FAM47E: variants seen among roughly 807,000 people sequenced by gnomAD.
The protein encoded by FAM47E is family with sequence similarity 47 member E, also known as protein FAM47E.
FAM47E carries 32 observed loss-of-function variants against 41.6 expected under a neutral mutation model. The observed-to-expected ratio is 0.77, with a 90% CI of 0.58 to 1.03. The LOEUF (loss-of-function observed/expected upper bound fraction) is 1.03. Among genes scored for constraint, FAM47E ranks in the 50% least tolerant of loss-of-function variants. The pLI is 0.00. For synonymous variants in FAM47E, 184 were observed against 188.7 expected, an observed-to-expected ratio of 0.98 and a Z score of 0.20; for missense variants, 424 against 485.4, an observed-to-expected ratio of 0.87 and a Z score of 1.19.
chr4:76,250,450 C>A (rs180967529), upstream of FAM47E, among the ~76,000 whole-genome samples: 2 of 152,180 alleles, frequency 1.3e-5, no homozygotes, highest in Admixed American at 1.3e-4. Flanking sequence ...CTTGTAGATT[C>A]TGAATATTAG....
At position 76,227,977 on chromosome 4, in the gene FAM47E, C is replaced by G. The variant is rs545106528; in HGVS notation, c.81+10289C>G. Among the ~76,000 whole-genome samples the G allele has an allele frequency of 3.9e-5, 6 of 152,240 alleles. No homozygotes were observed. In the East Asian group the frequency reaches 1.2e-3, roughly 29 times the overall value. ...AGATACCTGGTTACTTGATTTTTAT[C>G]TATTCTGCCATTCTGTATCTTTTAA... On this transcript the variant is annotated intron_variant, in intron 2 of 7. Coordinates refer to the FAM47E transcript ENST00000510197.
At chr4:76,274,966 C>A (rs1735038106) in intron 5 of FAM47E, among the ~76,000 whole-genome samples, 1 of 152,206 alleles carries the variant, frequency 6.6e-6, no homozygotes, top group African/African-American at 2.4e-5. Flanking sequence ...TCCCTGAAGG[C>A]AGTGAGCTAG....
Position 76,283,471 on chromosome 4 carries a change from A to C in FAM47E, c.*13A>C. 1 of 1,467,146 alleles carries C rather than the reference A, an allele frequency of 6.8e-7. No individual in the cohort carries two copies. Among genetic ancestry groups the C allele is most frequent in the Non-Finnish European group, 9.3e-7 (1 of 1,070,874 alleles). The allele number at this position is 1,467,146 out of a possible 1,614,324, so 90.9% of individuals were successfully genotyped here. ...AACTCAAGCATAGAAGAATCGTAGGAGAATGATTAGGCAGATTTTATTACT... is the reference window on the plus strand; with the variant it reads ...AACTCAAGCATAGAAGAATCGTAGGCGAATGATTAGGCAGATTTTATTACT... On this transcript the variant is annotated 3_prime_UTR_variant, in exon 8 of 8. Transcript: ENST00000424749.
chr4:76,228,478 TA>T (rs906897366), intron 2 of FAM47E, among the ~76,000 whole-genome samples: 297 of 140,546 alleles, frequency 2.1e-3, no homozygotes, highest in Non-Finnish European at 2.4e-3. Context: ...GCCTCCATCT[TA>T]AAAAAAAAAA....
intron 2 of FAM47E, among the ~76,000 whole-genome samples, chr4:76,238,017 C>T (rs1427738908): frequency 1.3e-5 from 2 of 152,106 alleles, no homozygotes; most frequent in Non-Finnish European, 2.9e-5. Context: ...TGCAGTGTAG[C>T]CCTGTAATGA....
chr4:76,238,476 A>G (rs1733634130), intron 2 of FAM47E, among the ~76,000 whole-genome samples: 1 of 152,172 alleles, frequency 6.6e-6, no homozygotes, highest in South Asian at 2.1e-4. Flanking sequence ...TCCTCATACT[A>G]CATTTATCTT....
chr4:76,218,710 A>G (rs1217235094), intron 2 of FAM47E, among the ~76,000 whole-genome samples: 1 of 152,238 alleles, frequency 6.6e-6, no homozygotes. Context: ...AGGAGGAGAT[A>G]TCCTATTCAC....
At chr4:76,282,505 T>C (rs906626332) in intron 7 of FAM47E, 2 of 152,236 alleles carry the variant, frequency 1.3e-5, no homozygotes, top group Non-Finnish European at 2.9e-5. Context: ...TCATAGGCTG[T>C]CTGCAGGGGG....
intron 2 of FAM47E, among the ~76,000 whole-genome samples, chr4:76,235,185 G>A (rs1165952293): frequency 2.0e-5 from 3 of 152,104 alleles, no homozygotes; most frequent in African/African-American, 7.2e-5. Flanking sequence ...GGGCGTGGTG[G>A]CGGGCTTCTG....
In FAM47E at chr4:76,271,885, A is replaced by C. The variant is rs899675596; in HGVS notation, c.870+117A>C. ...TGGTTTTTTAAAGTAGAATTCTGGA[A>C]TTTTTTTCATGATTAATATTTGTTA... On this transcript the variant is annotated intron_variant, in intron 5 of 7. Coordinates refer to ENST00000424749, the MANE Select transcript of FAM47E (RefSeq NM_001136570.3). 134 of 1,191,360 alleles carry C rather than the reference A, an allele frequency of 1.1e-4. No individual in the cohort carries two copies. In the East Asian group the frequency reaches 3.5e-3, roughly 31 times the overall value. The allele number at this position is 1,191,360 out of a possible 1,614,324, so 73.8% of individuals were successfully genotyped here. A position where few individuals can be genotyped will look rare whatever the true frequency, so the allele number is the denominator to read the frequency against.
intron 2 of FAM47E, chr4:76,236,740 G>C (rs1487372396): frequency 1.3e-5 from 2 of 152,078 alleles, no homozygotes; most frequent in African/African-American, 4.8e-5. Flanking sequence ...AAATTTTCTG[G>C]TTGACAATTG....
upstream of FAM47E, among the ~76,000 whole-genome samples, chr4:76,247,021 C>T (rs558168198): frequency 1.3e-5 from 2 of 152,168 alleles, no homozygotes; most frequent in African/African-American, 2.4e-5. Context: ...ATTACATTTA[C>T]AATATTATGC....
chr4:76,255,387 AGT>A (rs1436753261), intron 1 of FAM47E, among the ~76,000 whole-genome samples: 12 of 152,194 alleles, frequency 7.9e-5, no homozygotes, highest in African/African-American at 2.9e-4. Flanking sequence ...ACAGTAGAAC[AGT>A]GTCTGTTATG....
chr4:76,225,675 G>A (rs1223791143), intron 2 of FAM47E, among the ~76,000 whole-genome samples: 1 of 152,186 alleles, frequency 6.6e-6, no homozygotes, highest in African/African-American at 2.4e-5. Context: ...TTCTGTTGAT[G>A]TGATGTATCA....
chr4:76,233,966 T>C (rs1464604450), intron 2 of FAM47E, among the ~76,000 whole-genome samples: 1 of 152,206 alleles, frequency 6.6e-6, no homozygotes, highest in East Asian at 1.9e-4. Flanking sequence ...AAAAAATGCC[T>C]GGGGAAGAAC....
chr4:76,248,284 AT>A (rs1169078643), upstream of FAM47E, among the ~76,000 whole-genome samples: 1 of 151,734 alleles, frequency 6.6e-6, no homozygotes, highest in East Asian at 1.9e-4. Flanking sequence ...CAATTTATCT[AT>A]TTTTTCTTTT....
Position 76,254,865 on chromosome 4 carries a change from A to G in FAM47E, c.75-1313A>G, listed in dbSNP as rs183900321. Among the ~76,000 whole-genome samples, 315 of 152,158 alleles carry G rather than the reference A, an allele frequency of 2.1e-3. 6 individuals are homozygous for G. The highest frequency in any genetic ancestry group is 0.016 in the South Asian group (76 of 4,818). ...GTTAGGTTATTCAGGAGCTTGTTCTATTTTCCTTCCTGTTTGCCCATCTGT... is the reference window on the plus strand; with the variant it reads ...GTTAGGTTATTCAGGAGCTTGTTCTGTTTTCCTTCCTGTTTGCCCATCTGT... On this transcript the variant is annotated intron_variant, in intron 1 of 7. Coordinates refer to ENST00000424749, the MANE Select transcript of FAM47E (RefSeq NM_001136570.3).
chr4:76,266,171 G>A (rs904299441), intron 3 of FAM47E, among the ~76,000 whole-genome samples: 7 of 152,118 alleles, frequency 4.6e-5, no homozygotes, highest in African/African-American at 1.7e-4. Context: ...GGACCTCTCC[G>A]TAGTCATCTT....
chr4:76,247,910 C>CTTTTTTTTTTTTT (rs753751295), upstream of FAM47E, among the ~76,000 whole-genome samples: 15 of 86,842 alleles, frequency 1.7e-4, no homozygotes, highest in Non-Finnish European at 2.1e-4. Flanking sequence ...CACTCTCTCT[C>CTTTTTTTTTTTTT]TTTTTTTTTT....
Sources: gnomAD v4.1 joint callset for allele counts (sites outside exome capture counted in the v4.1 genomes callset) on GRCh38, gnomAD v4.1.1 for gene constraint, MANE v1.5 for transcripts, NCBI Gene and HGNC (gene_info 2026-07-23, HGNC 2026-07-21) for gene names.